RIPK1: variants seen among roughly 807,000 people sequenced by gnomAD.
The protein encoded by RIPK1 is receptor interacting serine/threonine kinase 1.
RIPK1 carries 27 observed loss-of-function variants against 62.4 expected under a neutral mutation model. The ratio of observed to expected loss-of-function variants is 0.43; its 90% confidence interval spans 0.32 to 0.60. RIPK1 has a LOEUF of 0.60. Ranked by LOEUF, RIPK1 falls within the 20% of genes least tolerant of loss-of-function variation. The probability of loss-of-function intolerance (pLI) is 0.07; values close to 1 mark genes in which losing one functional copy is unlikely to be tolerated. For missense variants in RIPK1, 735 were observed against 831.0 expected (o/e 0.88, Z 1.42); for synonymous variants, 287 against 303.2 (o/e 0.95, Z 0.55).
intron 4 of RIPK1, among the ~76,000 whole-genome samples, chr6:3,081,783 C>T (rs1759395039): frequency 2.1e-5 from 3 of 142,376 alleles, no homozygotes; most frequent in South Asian, 4.6e-4. Flanking sequence ...TCGCCTGAAC[C>T]GGGGAGGTGG....
chr6:3,110,522 TAGGAGC>T (rs1407654880), intron 9 of RIPK1, among the ~76,000 whole-genome samples: 1 of 151,974 alleles, frequency 6.6e-6, no homozygotes, highest in Non-Finnish European at 1.5e-5. Flanking sequence ...ATACTCTTTA[TAGGAGC>T]AGCTGCACCA....
upstream of RIPK1, among the ~76,000 whole-genome samples, chr6:3,066,539 C>T (rs954877724): frequency 2.0e-5 from 3 of 152,070 alleles, no homozygotes; most frequent in East Asian, 5.8e-4. Context: ...ATGTGTACAT[C>T]TTTTAAAAAA....
chr6:3,105,952 A>G lies in RIPK1; in HGVS notation c.1477A>G (p.Ile493Val). 1 of 1,614,146 alleles carries G rather than the reference A, an allele frequency of 6.2e-7. No homozygotes were observed. The highest frequency in any genetic ancestry group is 8.5e-7 in the Non-Finnish European group (1 of 1,179,984). Residue 493 changes from isoleucine (I) to valine (V), a missense_variant, in exon 9 of 11, where the codon ATT becomes GTT. This residue lies in a region of RIPK1 where 671 missense variants were observed against 726.2 expected (regional missense o/e 0.92). Transcript: ENST00000259808. The surrounding 1 kb of genome is among the most constrained non-coding windows in gnomAD (Gnocchi z 4.5). ...AGGTCCCAGAGTTTGGTACAGGCCA[A>G]TTCCAAGTCATATGCCTAGTCTGCA... ...TAGPRVWYRP[I>V]PSHMPSLHNI...
At chr6:3,069,462 G>C (rs575043730) in intron 1 of RIPK1, among the ~76,000 whole-genome samples, 4 of 150,848 alleles carry the variant, frequency 2.7e-5, no homozygotes, top group South Asian at 2.1e-4. Flanking sequence ...GGATGCGGGG[G>C]TTGCGGGGGC....
intron 2 of RIPK1, among the ~76,000 whole-genome samples, chr6:3,077,246 G>C (rs1759116977): frequency 6.6e-6 from 1 of 152,148 alleles, no homozygotes; most frequent in South Asian, 2.1e-4. Flanking sequence ...AAAGAGATAA[G>C]TGTGGTGGGG....
At chr6:3,089,686 T>C in intron 7 of RIPK1, 29 bp downstream of exon 7, 1 of 1,173,550 alleles carries the variant, frequency 8.5e-7, no homozygotes, top group South Asian at 1.3e-5. Flanking sequence ...GCTCAAAATA[T>C]TAACATAGCA....
At position 3,114,486 on chromosome 6, in the gene RIPK1, G is replaced by GTC. The variant is rs138407817; in HGVS notation, c.*1148_*1149dup. On this transcript the variant is annotated 3_prime_UTR_variant, in exon 11 of 11. Coordinates refer to ENST00000259808, the MANE Select transcript of RIPK1 (RefSeq NM_001354930.2). The surrounding 1 kb of genome is among the most constrained non-coding windows in gnomAD (Gnocchi z 5.0). The stretch of plus-strand genomic sequence containing the variant: ...ACTGAAGCTGGGTAGGCCGCTCAGT[G>GTC]TCCACTGGCATTTTGCTAAACCGAC... 2,229 of 152,354 alleles carry GTC rather than the reference G, an allele frequency of 0.015. 57 individuals carry two copies. Among genetic ancestry groups the GTC allele is most frequent in the African/African-American group, 0.048 (1,995 of 41,568 alleles). The allele number at this position is 152,354 out of a possible 1,614,324, so 9.4% of individuals were successfully genotyped here.
chr6:3,099,486 G>T (rs1244548091), intron 7 of RIPK1, among the ~76,000 whole-genome samples: 1 of 152,240 alleles, frequency 6.6e-6, no homozygotes, highest in Non-Finnish European at 1.5e-5. Context: ...GGAGCTTGCA[G>T]TGAGCCGAGA....
intron 1 of RIPK1, among the ~76,000 whole-genome samples, chr6:3,075,302 A>G (rs372418494): frequency 2.6e-5 from 4 of 152,074 alleles, no homozygotes; most frequent in Admixed American, 2.0e-4. Flanking sequence ...TTTTTATTCT[A>G]TATTTCAGTT....
chr6:3,077,836 G>A lies in RIPK1; in HGVS notation c.222G>A (p.Arg74=). The A allele has an allele frequency of 6.2e-7, 1 of 1,614,204 alleles. No individual in the cohort carries two copies. The highest frequency in any genetic ancestry group is 8.5e-7 in the Non-Finnish European group (1 of 1,180,026). ...AKMMNRLRHS[R]VVKLLGVIIE... ...TGATGAACAGACTGAGACACAGCCG[G>A]GTGGTGAAGCTCCTGGGCGTCATCA... Residue 74 remains arginine (R), a synonymous_variant, in exon 3 of 11, where the codon CGG becomes CGA. Transcript: ENST00000259808.
chr6:3,068,067 T>C, upstream of RIPK1: 1 of 312,380 alleles, frequency 3.2e-6, no homozygotes. Context: ...ATTTTATTAT[T>C]TGATTTTTAA....
chr6:3,086,774 C>G (rs1426415121), intron 6 of RIPK1, among the ~76,000 whole-genome samples: 1 of 152,216 alleles, frequency 6.6e-6, no homozygotes, highest in Non-Finnish European at 1.5e-5. Context: ...ATTACATACG[C>G]ATGACTGACT....
In RIPK1 at chr6:3,085,390, G is replaced by A; in HGVS notation, c.820G>A (p.Ala274Thr). The change falls in exon 6 of 11, where the codon GCT (alanine) becomes ACT (threonine). Residue 274 changes from alanine to threonine, a missense_variant. Physicochemically the swap from Ala to Thr is moderately conservative, Grantham distance 58. Around this residue, in one of 2 missense-constraint regions of RIPK1, gnomAD observed 671 missense variants for 726.2 expected, o/e 0.92. Transcript: ENST00000259808. ...GCTCTGCTGGGAAGCGAATCCGGAAGCTCGGCCGACATTTCCTGGTAAGAG... is the reference window on the plus strand; with the variant it reads ...GCTCTGCTGGGAAGCGAATCCGGAAACTCGGCCGACATTTCCTGGTAAGAG... Reference protein sequence around the residue: ...MKLCWEANPEARPTFPGIEEK... With the variant: ...MKLCWEANPETRPTFPGIEEK... 6.2e-7 allele frequency: 1 copy of A among 1,614,212 alleles called. No individual in the cohort carries two copies.
chr6:3,068,312 T>G (rs1471615382), upstream of RIPK1: 1 of 985,298 alleles, frequency 1.0e-6, no homozygotes, highest in Non-Finnish European at 1.2e-6. Context: ...GCGCGGAGGT[T>G]TCGGTTTCCT....
chr6:3,071,235 T>A (rs1758695697), intron 1 of RIPK1, among the ~76,000 whole-genome samples: 1 of 152,230 alleles, frequency 6.6e-6, no homozygotes, highest in Non-Finnish European at 1.5e-5. Flanking sequence ...AACCAGCATT[T>A]TCTGCCATTC....
intron 7 of RIPK1, among the ~76,000 whole-genome samples, chr6:3,100,129 A>G (rs929415831): frequency 1.3e-5 from 2 of 152,214 alleles, no homozygotes; most frequent in African/African-American, 2.4e-5. Flanking sequence ...TGTTAAAGAT[A>G]TATATATTTT....
In RIPK1 at chr6:3,110,805, G is replaced by T. The variant is rs1761115475; in HGVS notation, c.1579G>T (p.Glu527Ter). 6.4e-7 allele frequency: 1 copy of T among 1,563,222 alleles called. No homozygotes were observed. The highest frequency in any genetic ancestry group is 8.8e-7 in the Non-Finnish European group (1 of 1,141,402). The stretch of plus-strand genomic sequence containing the variant: ...CCTGTGTGTTTCTCTCTATGCAGAT[G>T]AATCTATAAAATATACCATATACAA... ...MPFSSLPPTD[E>*]SIKYTIYNST... The change falls in exon 10 of 11, where the codon GAA becomes TAA. Residue 527 changes from glutamate to a stop codon, truncating the protein, a stop_gained and splice_region_variant. Coordinates refer to ENST00000259808, the MANE Select transcript of RIPK1 (RefSeq NM_001354930.2). LOFTEE classifies it high-confidence loss of function.
At chr6:3,090,761 C>T (rs56814079) in intron 7 of RIPK1, among the ~76,000 whole-genome samples, 5 of 143,678 alleles carry the variant, frequency 3.5e-5, no homozygotes, top group East Asian at 1.9e-4. Flanking sequence ...ATAACCGCAG[C>T]GCACCTACCT....
rs908050739 is a variant in RIPK1 at position 3,072,983 on chromosome 6, A to G, written c.-60-3781A>G. On this transcript the variant is annotated intron_variant, in intron 1 of 10. Transcript: ENST00000259808. This position sits in a 1 kb window ranked among gnomAD's most constrained non-coding sequence, Gnocchi z 5.6. ...GCTGACAGAGTGATCCCAGCTGAGAATGTTGGCATTCTCAAAGCCCAAGGA... is the reference window on the plus strand; with the variant it reads ...GCTGACAGAGTGATCCCAGCTGAGAGTGTTGGCATTCTCAAAGCCCAAGGA... 4.6e-5 allele frequency among the ~76,000 whole-genome samples: 7 copies of G among 152,174 alleles called. No homozygotes were observed. The highest frequency in any genetic ancestry group is 7.4e-5 in the Non-Finnish European group (5 of 68,016).
Sources: gnomAD v4.1 joint callset for allele counts (sites outside exome capture counted in the v4.1 genomes callset) on GRCh38, gnomAD v4.1.1 for gene constraint, gnomAD v4.1.1 regional missense constraint, Gnocchi (gnomAD v3.1) non-coding constraint, MANE v1.5 for transcripts, NCBI Gene and HGNC (gene_info 2026-07-23, HGNC 2026-07-21) for gene names.